Variants in GMNC observed in about 807,000 individuals in gnomAD.
GMNC encodes geminin coiled-coil domain-containing protein 1.
A neutral mutation model predicts 33.6 loss-of-function variants in GMNC; 16 were observed. The observed-to-expected ratio is 0.48, with a 90% confidence interval of 0.32 to 0.72. The LOEUF (loss-of-function observed/expected upper bound fraction) is 0.72. Among genes scored for constraint, GMNC ranks in the 30% least tolerant of loss-of-function variants. The pLI is 0.03. For missense variants in GMNC, 393 were observed against 388.9 expected (o/e 1.01, Z -0.09); for synonymous variants, 156 against 147.3 (o/e 1.06, Z -0.43).
rs972134948 is a variant in GMNC, at chr3:190,862,527, G to A, written c.3+86C>T. The A allele has an allele frequency of 9.8e-7, 1 of 1,021,720 alleles. No homozygotes were observed. The highest frequency in any genetic ancestry group is 1.5e-6 in the Non-Finnish European group (1 of 662,688). 63.3% of individuals were successfully genotyped at this position (1,021,720 alleles called of 1,614,324 possible). ...GTAGCGGAGAAATCTTGCTCCGAAG[G>A]TGGAATAAATTCTAAATGCAAAGCT... is the stretch of plus-strand genomic sequence containing the variant. On this transcript the variant is annotated intron_variant, in intron 1 of 4. Transcript: ENST00000442080. The surrounding 1 kb of genome is among the most constrained non-coding windows in gnomAD (Gnocchi z 4.5).
intron 4 of GMNC, among the ~76,000 whole-genome samples, chr3:190,856,129 T>C (rs1737730070): frequency 6.6e-6 from 1 of 151,346 alleles, no homozygotes; most frequent in Admixed American, 6.6e-5. Flanking sequence ...GACCAGATGA[T>C]ATTTTTAAGA....
At chr3:190,847,369 G>T in the GMNC span, among the ~76,000 whole-genome samples, 1 of 152,164 alleles carries the variant, frequency 6.6e-6, no homozygotes, top group South Asian at 2.1e-4. Context: ...ACATAGCTTT[G>T]CCTTGACCAT....
At chr3:190,845,198 T>TCAGAATTTTCTTGGGTTTTATTTC in the GMNC span, among the ~76,000 whole-genome samples, 3 of 152,170 alleles carry the variant, frequency 2.0e-5, no homozygotes, top group Non-Finnish European at 4.4e-5. Context: ...AGTTTTATTT[T>TCAGAATTTTCTTGGGTTTTATTTC]CAGAATTTTC....
At chr3:190,850,674 C>T (rs71310890), downstream of GMNC, among the ~76,000 whole-genome samples, 1,287 of 152,226 alleles carry the variant, frequency 8.5e-3, 15 homozygotes, top group Middle Eastern at 0.041. Context: ...TGTGTGTCCG[C>T]GAGCCTAATC....
At chr3:190,850,955 A>G (rs1197517027), downstream of GMNC, among the ~76,000 whole-genome samples, 1 of 141,470 alleles carries the variant, frequency 7.1e-6, no homozygotes, top group Non-Finnish European at 1.5e-5. Flanking sequence ...AAGTTTATTC[A>G]TAGTTTTCTC....
chr3:190,843,769 T>C, the GMNC span, among the ~76,000 whole-genome samples: 1 of 152,198 alleles, frequency 6.6e-6, no homozygotes, highest in Non-Finnish European at 1.5e-5. Flanking sequence ...AAGTGTACTT[T>C]ATTGCATTTC....
the GMNC span, among the ~76,000 whole-genome samples, chr3:190,845,130 A>G: frequency 1.3e-5 from 2 of 152,212 alleles, no homozygotes; most frequent in Admixed American, 6.5e-5. Context: ...CAGTAATTTT[A>G]TTAACTTAAA....
chr3:190,857,482 C>A (rs1737772342), intron 4 of GMNC, among the ~76,000 whole-genome samples: 1 of 152,092 alleles, frequency 6.6e-6, no homozygotes, highest in African/African-American at 2.4e-5. Flanking sequence ...TACCAGCATT[C>A]CATCCATCTA....
At chr3:190,849,231 G>T (rs1366966965), downstream of GMNC, among the ~76,000 whole-genome samples, 1 of 152,184 alleles carries the variant, frequency 6.6e-6, no homozygotes, top group East Asian at 1.9e-4. Context: ...AAAAGGCTAA[G>T]GTTCTGGCAA....
At chr3:190,858,742 T>A (rs754103541) in intron 3 of GMNC, among the ~76,000 whole-genome samples, 186 bp downstream of exon 3, 4 of 152,146 alleles carry the variant, frequency 2.6e-5, no homozygotes, top group Non-Finnish European at 4.4e-5. Flanking sequence ...CTTTCTAGAG[T>A]GTCTTGCTTG....
At chr3:190,852,687 A>G (rs1013853570), downstream of GMNC, among the ~76,000 whole-genome samples, 2 of 152,158 alleles carry the variant, frequency 1.3e-5, no homozygotes, top group African/African-American at 4.8e-5. Context: ...TAGACATCAT[A>G]CAAAGAAGAG....
At chr3:190,849,738 C>A (rs147096555), downstream of GMNC, among the ~76,000 whole-genome samples, 12 of 152,272 alleles carry the variant, frequency 7.9e-5, no homozygotes, top group African/African-American at 2.6e-4. Context: ...GAAAAGGTAT[C>A]AATTAACCAC....
chr3:190,844,257 T>C, the GMNC span, among the ~76,000 whole-genome samples: 2 of 152,040 alleles, frequency 1.3e-5, no homozygotes, highest in African/African-American at 2.4e-5. Context: ...GATTTTGATA[T>C]TAGCAAAAAT....
At chr3:190,843,427 A>G in the GMNC span, among the ~76,000 whole-genome samples, 1 of 152,204 alleles carries the variant, frequency 6.6e-6, no homozygotes, top group African/African-American at 2.4e-5. Context: ...TAAACAAGCT[A>G]GAAGAGAAAA....
In GMNC at chr3:190,857,768, A is replaced by G. The variant is rs1737778610; in HGVS notation, c.384+15T>C. On this transcript the variant is annotated intron_variant, in intron 4 of 4. Coordinates refer to ENST00000442080, the MANE Select transcript of GMNC (RefSeq NM_001146686.3). The stretch of plus-strand genomic sequence containing the variant: ...TGCTTTGTTCTTATAAAGTAGATAC[A>G]TACATCATACATACCTTGGCCTTTT... 1.6e-6 allele frequency: 2 copies of G among 1,222,206 alleles called. No individual in the cohort carries two copies. Among genetic ancestry groups the G allele is most frequent in the South Asian group, 2.6e-5 (2 of 77,504 alleles). The allele number at this position is 1,222,206 out of a possible 1,614,324, so 75.7% of individuals were successfully genotyped here.
At chr3:190,844,459 A>T in the GMNC span, among the ~76,000 whole-genome samples, 1 of 151,286 alleles carries the variant, frequency 6.6e-6, no homozygotes, top group Non-Finnish European at 1.5e-5. Context: ...TTAATAATTG[A>T]TTCCTTATAT....
rs1421505402 is a variant in GMNC, at chr3:190,854,263, A to G, written c.*1032T>C. 6.6e-6 allele frequency: 1 copy of G among 152,182 alleles called. No individual in the cohort carries two copies. The highest frequency in any genetic ancestry group is 2.4e-5 in the African/African-American group (1 of 41,458). The allele number at this position is 152,182 out of a possible 1,614,324, so 9.4% of individuals were successfully genotyped here. ...CACAAAAGGGAAGTCGTTTTCGCAA[A>G]GTCATAGCAGATGAGTAGGTCTAAG... On this transcript the variant is annotated 3_prime_UTR_variant, in exon 5 of 5. Coordinates refer to ENST00000442080, the MANE Select transcript of GMNC (RefSeq NM_001146686.3).
At chr3:190,845,507 C>CT in the GMNC span, among the ~76,000 whole-genome samples, 2 of 134,650 alleles carry the variant, frequency 1.5e-5, no homozygotes, top group Admixed American at 7.2e-5. Context: ...TATTTTGAAA[C>CT]CTTTTTTTTT....
downstream of GMNC, among the ~76,000 whole-genome samples, chr3:190,852,677 T>C (rs895199178): frequency 2.0e-5 from 3 of 152,064 alleles, no homozygotes; most frequent in African/African-American, 7.2e-5. Context: ...AGTCTGGCCA[T>C]AGACATCATA....
Sources: allele counts gnomAD v4.1 joint callset (sites outside exome capture counted in the v4.1 genomes callset), GRCh38; gene constraint gnomAD v4.1.1; non-coding constraint Gnocchi (gnomAD v3.1); transcripts MANE v1.5; gene names NCBI Gene and HGNC (gene_info 2026-07-23, HGNC 2026-07-21).